Variants in SULF2 observed in about 807,000 individuals in gnomAD.
The protein encoded by SULF2 is extracellular sulfatase Sulf-2.
A neutral mutation model predicts 107.7 loss-of-function variants in SULF2; 52 were observed. That is an observed-to-expected ratio of 0.48 (90% CI 0.39 to 0.61). The LOEUF (loss-of-function observed/expected upper bound fraction) is 0.61, where lower values mean the gene tolerates loss of function less well. SULF2 is among the 20% of genes least tolerant of loss of function. The pLI is 0.00. For synonymous variants in SULF2, 460 were observed against 464.3 expected (o/e 0.99, Z 0.12); for missense variants, 993 against 1,177.3 (o/e 0.84, Z 2.29).
Position 47,757,609 on chromosome 20 carries a change from G to A in SULF2, c.-100-146C>T, listed in dbSNP as rs2090325150. On this transcript the variant is annotated intron_variant, in intron 1 of 20. Transcript: ENST00000688720. ...TATGGCAGAGTGAAAACCGAACTCC[G>A]CTGAAGTTAGCAAAGTCTTTACAGT... The A allele has an allele frequency of 1.3e-5, 6 of 457,154 alleles. No individual in the cohort carries two copies. The South Asian group carries it at 1.6e-4, about 12-fold the overall frequency. The allele number at this position is 457,154 out of a possible 1,614,324, so 28.3% of individuals were successfully genotyped here. A position where few individuals can be genotyped will look rare whatever the true frequency, so the allele number is the denominator to read the frequency against.
chr20:47,683,683 G>A (rs1310110544), intron 6 of SULF2, among the ~76,000 whole-genome samples: 1 of 152,234 alleles, frequency 6.6e-6, no homozygotes, highest in Admixed American at 6.5e-5. Flanking sequence ...CGAACCTACT[G>A]AGCATGTGAA....
intron 2 of SULF2, among the ~76,000 whole-genome samples, chr20:47,755,189 C>T (rs888138354): frequency 1.3e-5 from 2 of 152,210 alleles, no homozygotes; most frequent in Admixed American, 6.5e-5. Context: ...TTCTCTCTGC[C>T]TCAGTTTTTC....
intron 5 of SULF2, chr20:47,686,237 A>G (rs1041704495): frequency 6.6e-6 from 1 of 152,364 alleles, no homozygotes. Context: ...CAGGTCCCCA[A>G]ACTTCTCTGA....
Position 47,678,685 on chromosome 20 carries a change from G to C in SULF2, c.1184C>G (p.Pro395Arg). ...SILKLLDTER[P>R]VNRFHLKKKM... ...CCTGCTCCGTCCTCACCGATTCACC[G>C]GCCGCTCCGTGTCCAGCAGCTTGAG... Residue 395 changes from proline to arginine, a missense_variant, in exon 8 of 21, where the codon CCG becomes CGG. Physicochemically the swap from Pro to Arg is moderately radical, Grantham distance 103 (BLOSUM62 -2). Around this residue, in one of 3 missense-constraint regions of SULF2, gnomAD observed 108 missense variants for 183.9 expected, o/e 0.59. Coordinates refer to ENST00000688720, the MANE Select transcript of SULF2 (RefSeq NM_001387048.1). The surrounding 1 kb of genome is among the most constrained non-coding windows in gnomAD (Gnocchi z 4.5). The C allele has an allele frequency of 1.2e-6, 2 of 1,613,802 alleles. No individual in the cohort carries two copies. The highest frequency in any genetic ancestry group is 1.7e-6 in the Non-Finnish European group (2 of 1,179,972).
intron 18 of SULF2, among the ~76,000 whole-genome samples, chr20:47,660,122 A>T (rs1259992358): frequency 3.9e-5 from 6 of 152,218 alleles, no homozygotes; most frequent in Non-Finnish European, 8.8e-5. Context: ...TTTCCCGAGG[A>T]TGTGGCAGGA....
chr20:47,666,600 G>T lies in SULF2; in HGVS notation c.1577-112C>A. ...GCCGGGCTTCCAAGCATGAGGCTCA[G>T]CTTTGCCTGCGACTCGAGGGGTCGT... On this transcript the variant is annotated intron_variant, in intron 11 of 20. Coordinates refer to ENST00000688720, the MANE Select transcript of SULF2 (RefSeq NM_001387048.1). This position sits in a 1 kb window ranked among gnomAD's most constrained non-coding sequence, Gnocchi z 5.4. The T allele has an allele frequency of 1.2e-6, 1 of 839,386 alleles. No homozygotes were observed. The highest frequency in any genetic ancestry group is 1.9e-6 in the Non-Finnish European group (1 of 534,584). 52.0% of individuals were successfully genotyped at this position (839,386 alleles called of 1,614,324 possible).
chr20:47,672,789 C>T (rs2087521179), intron 10 of SULF2, among the ~76,000 whole-genome samples: 1 of 152,170 alleles, frequency 6.6e-6, no homozygotes, highest in Admixed American at 6.5e-5. Flanking sequence ...TTTGAACATC[C>T]TCTGCAATCT....
At chr20:47,664,216 C>T in intron 14 of SULF2, 27 bp from the exon 15 acceptor site, 1 of 1,605,348 alleles carries the variant, frequency 6.2e-7, no homozygotes, top group Non-Finnish European at 8.5e-7. Flanking sequence ...CAGCCCCAGG[C>T]TTCAGGAGTG....
intron 2 of SULF2, among the ~76,000 whole-genome samples, chr20:47,741,033 G>A (rs1255110959): frequency 6.6e-6 from 1 of 152,058 alleles, no homozygotes; most frequent in Non-Finnish European, 1.5e-5. Flanking sequence ...ACCCACGATC[G>A]TACCCTTGCC....
chr20:47,710,704 C>T (rs2088898497), intron 3 of SULF2, among the ~76,000 whole-genome samples: 1 of 152,190 alleles, frequency 6.6e-6, no homozygotes, highest in Non-Finnish European at 1.5e-5. Context: ...CAACTTCTTG[C>T]TGTTAACATC....
At chr20:47,722,279 G>GT (rs2146702881) in intron 3 of SULF2, among the ~76,000 whole-genome samples, 1 of 151,896 alleles carries the variant, frequency 6.6e-6, no homozygotes, top group African/African-American at 2.4e-5. Flanking sequence ...TTTTTTATTC[G>GT]TTTGAGTTGA....
chr20:47,701,305 T>G (rs1193643138), intron 4 of SULF2, among the ~76,000 whole-genome samples: 2 of 152,270 alleles, frequency 1.3e-5, no homozygotes, highest in African/African-American at 4.8e-5. Flanking sequence ...CAGGGAGTCT[T>G]CTGGAAGTGC....
At chr20:47,711,111 A>C (rs1001149212) in intron 3 of SULF2, among the ~76,000 whole-genome samples, 8 of 152,212 alleles carry the variant, frequency 5.3e-5, no homozygotes, top group African/African-American at 1.9e-4. Context: ...GGGCTCCTGC[A>C]ACCAGAAACC....
chr20:47,707,634 C>G (rs117667116), intron 3 of SULF2, among the ~76,000 whole-genome samples: 1 of 152,170 alleles, frequency 6.6e-6, no homozygotes, highest in African/African-American at 2.4e-5. Flanking sequence ...GCGGACCCCC[C>G]CAGCACTCAA....
At chr20:47,745,398 AAAAAAAAAAAAAAT>A (rs1185959965) in intron 2 of SULF2, among the ~76,000 whole-genome samples, 9 of 29,370 alleles carry the variant, frequency 3.1e-4, no homozygotes, top group African/African-American at 8.3e-4. Flanking sequence ...AAAAAAAAAA[AAAAAAAAAAAAAAT>A]ATATATATAT....
At chr20:47,753,406 C>T (rs1169185424) in intron 2 of SULF2, among the ~76,000 whole-genome samples, 2 of 152,224 alleles carry the variant, frequency 1.3e-5, no homozygotes, top group African/African-American at 4.8e-5. Flanking sequence ...GCTGATGAGG[C>T]CAAGAAGAAA....
chr20:47,729,545 G>C (rs1318883072), intron 3 of SULF2, among the ~76,000 whole-genome samples: 1 of 152,172 alleles, frequency 6.6e-6, no homozygotes, highest in Non-Finnish European at 1.5e-5. Flanking sequence ...AGGCAGAGCT[G>C]ACAGGGTTTG....
At position 47,687,725 on chromosome 20, in the gene SULF2, C is replaced by T. The variant is rs560655674; in HGVS notation, c.737+2401G>A. On this transcript the variant is annotated intron_variant, in intron 5 of 20. Transcript: ENST00000688720. ...TCTGCATGTGTGTGTTTTTTTTTTT[C>T]GAGACAGGGTCTCACTCTGTCACTC... 4.0e-3 allele frequency among the ~76,000 whole-genome samples: 592 copies of T among 146,588 alleles called. 5 individuals carry two copies. Among genetic ancestry groups the T allele is most frequent in the African/African-American group, 0.014 (561 of 39,762 alleles).
At chr20:47,749,009 GT>G (rs201472545) in intron 2 of SULF2, among the ~76,000 whole-genome samples, 2,580 of 146,160 alleles carry the variant, frequency 0.018, 62 homozygotes, top group African/African-American at 0.055. Flanking sequence ...TTCTGAAGTG[GT>G]TTTTTTTTTT....
Sources: allele counts gnomAD v4.1 joint callset (sites outside exome capture counted in the v4.1 genomes callset), GRCh38; gene constraint gnomAD v4.1.1; regional missense constraint gnomAD v4.1.1; non-coding constraint Gnocchi (gnomAD v3.1); transcripts MANE v1.5; gene names NCBI Gene and HGNC (gene_info 2026-07-23, HGNC 2026-07-21).